The following DPYSL3 variants were observed in gnomAD, a reference collection of about 807,000 sequenced individuals.
DPYSL3 encodes dihydropyrimidinase-related protein 3.
DPYSL3 carries 16 observed loss-of-function variants against 66.1 expected under a neutral mutation model. The ratio of observed to expected loss-of-function variants is 0.24; its 90% CI spans 0.16 to 0.37. DPYSL3 has a LOEUF of 0.37. Ranked by LOEUF, DPYSL3 falls within the 10% of genes least tolerant of loss-of-function variation. DPYSL3 has a pLI of 1.00. For missense variants in DPYSL3, 738 were observed against 916.2 expected (o/e 0.81, Z 2.51); for synonymous variants, 338 against 345.1 (o/e 0.98, Z 0.23).
chr5:147,467,597 A>T (rs1307248576), intron 1 of DPYSL3, among the ~76,000 whole-genome samples: 1 of 152,214 alleles, frequency 6.6e-6, no homozygotes, highest in Non-Finnish European at 1.5e-5. Flanking sequence ...GCATATTTTA[A>T]CAAGTAACCA....
At chr5:147,396,709 A>G (rs1757984631) in intron 12 of DPYSL3, among the ~76,000 whole-genome samples, 1 of 152,162 alleles carries the variant, frequency 6.6e-6, no homozygotes. Flanking sequence ...TTCAGAATCT[A>G]AATCACACTC....
chr5:147,396,381 C>T (rs7725904), intron 12 of DPYSL3, among the ~76,000 whole-genome samples: 68,452 of 152,010 alleles, frequency 0.45, 16,179 homozygotes, highest in African/African-American at 0.56. Context: ...ATGGGAAACA[C>T]GGTACCTCCT....
intron 1 of DPYSL3, among the ~76,000 whole-genome samples, chr5:147,446,538 C>A (rs1752632484): frequency 6.6e-6 from 1 of 152,212 alleles, no homozygotes; most frequent in Non-Finnish European, 1.5e-5. Flanking sequence ...TGTGGAGCTT[C>A]CCCATCTAGC....
At position 147,452,438 on chromosome 5, in the gene DPYSL3, TACAC is replaced by T. The variant is rs35272843; in HGVS notation, c.382-27479_382-27476del. Among the ~76,000 whole-genome samples, 562 of 142,028 alleles carry T rather than the reference TACAC, an allele frequency of 4.0e-3. 3 individuals are homozygous for T. Among genetic ancestry groups the T allele is most frequent in the Middle Eastern group, 0.014 (4 of 280 alleles). 93.2% of individuals were successfully genotyped at this position (142,028 alleles called of 152,430 possible). On this transcript the variant is annotated intron_variant, in intron 1 of 13. Transcript: ENST00000343218. ...ATGGAGTAGCCACCCATTCCCCCACTACACACACACACACACACACACACACACA... is the reference window on the plus strand; with the variant it reads ...ATGGAGTAGCCACCCATTCCCCCACTACACACACACACACACACACACACA...
At chr5:147,432,894 T>C (rs2126350897) in intron 1 of DPYSL3, among the ~76,000 whole-genome samples, 1 of 152,286 alleles carries the variant, frequency 6.6e-6, no homozygotes, top group African/African-American at 2.4e-5. Flanking sequence ...ATCACTAAAT[T>C]TTGTCTACAT....
chr5:147,454,551 CAAAG>C (rs1157312776), intron 1 of DPYSL3, among the ~76,000 whole-genome samples: 2 of 152,170 alleles, frequency 1.3e-5, no homozygotes, highest in Non-Finnish European at 2.9e-5. Flanking sequence ...GTCTCAGAAT[CAAAG>C]AAAGAACATG....
Position 147,424,983 on chromosome 5 carries a change from T to C in DPYSL3, c.382-20A>G. 1 of 1,585,034 alleles carries C rather than the reference T, an allele frequency of 6.3e-7. No homozygotes were observed. Among genetic ancestry groups the C allele is most frequent in the Non-Finnish European group, 8.6e-7 (1 of 1,156,954 alleles). On this transcript the variant is annotated intron_variant, in intron 1 of 13. Transcript: ENST00000343218. ...GTCACTCTAGAAAAGAAGGAAAACA[T>C]GAGTTGTTATCACAGGTATGATTTC...
intron 1 of DPYSL3, among the ~76,000 whole-genome samples, chr5:147,495,093 CA>C (rs1753479834): frequency 6.6e-6 from 1 of 152,072 alleles, no homozygotes; most frequent in Admixed American, 6.6e-5. Context: ...ATGCCAGACT[CA>C]GATGGATTTC....
At chr5:147,478,992 G>A (rs1442923860) in intron 1 of DPYSL3, among the ~76,000 whole-genome samples, 1 of 152,042 alleles carries the variant, frequency 6.6e-6, no homozygotes, top group Non-Finnish European at 1.5e-5. Context: ...CACAGTGTCT[G>A]GCATCTAATA....
chr5:147,460,669 C>T (rs1277751395), intron 1 of DPYSL3, among the ~76,000 whole-genome samples: 1 of 152,138 alleles, frequency 6.6e-6, no homozygotes, highest in Non-Finnish European at 1.5e-5. Context: ...GTTTAGACAA[C>T]CAAGGGTGTC....
intron 1 of DPYSL3, among the ~76,000 whole-genome samples, chr5:147,483,814 T>TCAGTTATC (rs1448641888): frequency 6.6e-6 from 1 of 152,188 alleles, no homozygotes; most frequent in Non-Finnish European, 1.5e-5. Flanking sequence ...TTAGAATAGC[T>TCAGTTATC]CAGTTATCAT....
At chr5:147,426,488 T>A (rs1752200916) in intron 1 of DPYSL3, among the ~76,000 whole-genome samples, 1 of 152,118 alleles carries the variant, frequency 6.6e-6, no homozygotes, top group Non-Finnish European at 1.5e-5. Flanking sequence ...AGACCTGTGT[T>A]GAGAAGTCAG....
intron 1 of DPYSL3, among the ~76,000 whole-genome samples, chr5:147,466,205 T>C (rs998692896): frequency 2.6e-5 from 4 of 152,206 alleles, no homozygotes; most frequent in African/African-American, 9.7e-5. Context: ...TGTTGCTTCC[T>C]CTTCCTTTAC....
intron 9 of DPYSL3, 143 bp downstream of exon 9, chr5:147,401,397 G>T: frequency 1.1e-6 from 1 of 940,936 alleles, no homozygotes; most frequent in Non-Finnish European, 1.5e-6. Context: ...CTACGCTCAA[G>T]ACTGTAAAAG....
intron 1 of DPYSL3, among the ~76,000 whole-genome samples, chr5:147,433,904 C>G (rs1388019379): frequency 6.6e-6 from 1 of 152,032 alleles, no homozygotes; most frequent in Non-Finnish European, 1.5e-5. Flanking sequence ...TGGTGGCATC[C>G]CTGTAATCCC....
Position 147,397,705 on chromosome 5 carries a change from G to C in DPYSL3, c.1764C>G (p.Phe588Leu). ...TAATGCGCTTGTAGACATAGTCGGA[G>C]AACGGGCTGCAGGGTATGAAGCGGC... ...GAGRFIPCSPFSDYVYKRIKA... is the reference protein window; with the variant it reads ...GAGRFIPCSPLSDYVYKRIKA... Residue 588 changes from phenylalanine to leucine, a missense_variant, in exon 12 of 14, where the codon TTC (phenylalanine) becomes TTG (leucine). Physicochemically the swap from Phe to Leu is conservative, Grantham distance 22 (BLOSUM62 0). Transcript: ENST00000343218. The C allele has an allele frequency of 6.2e-7, 1 of 1,614,170 alleles. No individual in the cohort carries two copies. Among genetic ancestry groups the C allele is most frequent in the South Asian group, 1.1e-5 (1 of 91,088 alleles).
chr5:147,502,804 A>C (rs1380820931), intron 1 of DPYSL3, among the ~76,000 whole-genome samples: 1 of 152,042 alleles, frequency 6.6e-6, no homozygotes, highest in Non-Finnish European at 1.5e-5. Context: ...TCTCGATCTC[A>C]TGACCTCGTC....
chr5:147,438,599 A>G (rs1752459035), intron 1 of DPYSL3, among the ~76,000 whole-genome samples: 1 of 152,180 alleles, frequency 6.6e-6, no homozygotes. Flanking sequence ...CTTACCTGCA[A>G]AGCCATAAAG....
chr5:147,471,642 C>A (rs1378398624), intron 1 of DPYSL3, among the ~76,000 whole-genome samples: 3 of 152,050 alleles, frequency 2.0e-5, no homozygotes, highest in African/African-American at 7.2e-5. Context: ...CATAAAGGCA[C>A]TTCTCAGAGA....
Sources: gnomAD v4.1 joint callset for allele counts (sites outside exome capture counted in the v4.1 genomes callset) on GRCh38, gnomAD v4.1.1 for gene constraint, MANE v1.5 for transcripts, NCBI Gene and HGNC (gene_info 2026-07-23, HGNC 2026-07-21) for gene names.